Variants in LMTK2 observed in about 807,000 individuals in gnomAD.
The protein encoded by LMTK2 is serine/threonine-protein kinase LMTK2.
A neutral mutation model predicts 127.5 loss-of-function variants in LMTK2; 37 were observed. That is an observed-to-expected ratio of 0.29 (90% CI 0.22 to 0.38). The LOEUF is 0.38. Among genes scored for constraint, LMTK2 ranks in the 10% least tolerant of loss-of-function variants. The pLI is 1.00. For synonymous variants in LMTK2, 819 were observed against 810.1 expected (o/e 1.01, Z -0.19); for missense variants, 1,694 against 1,920.3 (o/e 0.88, Z 2.20).
In LMTK2 at chr7:98,194,148, C is replaced by T. The variant is rs148946045; in HGVS notation, c.3683C>T (p.Thr1228Met). 1.4e-4 allele frequency: 231 copies of T among 1,614,026 alleles called. No individual in the cohort carries two copies. In the African/African-American group the frequency reaches 1.5e-3, roughly 11 times the overall value. Residue 1228 changes from threonine to methionine, a missense_variant, in exon 11 of 14, where the codon ACG becomes ATG. Coordinates refer to ENST00000297293, the MANE Select transcript of LMTK2 (RefSeq NM_014916.4). This position sits in a 1 kb window ranked among gnomAD's most constrained non-coding sequence, Gnocchi z 5.4. Reference protein sequence around the residue: ...QDDRPCTLASTGTNTNELLAY... With the variant: ...QDDRPCTLASMGTNTNELLAY... Reference sequence around the variant, plus strand: ...GATCGCCCCTGCACCCTCGCTTCCACGGGGACCAACACGAACGAACTCCTT... The same window carrying T: ...GATCGCCCCTGCACCCTCGCTTCCATGGGGACCAACACGAACGAACTCCTT...
At chr7:98,178,329 GACGCGCAA>G (rs1797304377) in intron 7 of LMTK2, among the ~76,000 whole-genome samples, 1 of 152,194 alleles carries the variant, frequency 6.6e-6, no homozygotes, top group South Asian at 2.1e-4. Flanking sequence ...GAACCCCGAA[GACGCGCAA>G]ACTAGTCCTA....
At chr7:98,115,354 T>C (rs1796262700) in intron 1 of LMTK2, among the ~76,000 whole-genome samples, 1 of 150,582 alleles carries the variant, frequency 6.6e-6, no homozygotes. Context: ...AGGCAGAGGT[T>C]GCAGTGAGCC....
chr7:98,140,140 TTCTTTTCTTTTCTTTTCTTTTCTTTTC>T (rs1796662469), intron 2 of LMTK2, among the ~76,000 whole-genome samples: 2 of 19,240 alleles, frequency 1.0e-4, no homozygotes, highest in African/African-American at 5.9e-4. Flanking sequence ...CTTTCTTTCT[TTCTTTTCTTTTCTTTTCTTTTCTTTTC>T]TTTTCTTTCT....
At chr7:98,140,154 T>TCG (rs1562902771) in intron 2 of LMTK2, among the ~76,000 whole-genome samples, 1 of 57,992 alleles carries the variant, frequency 1.7e-5, no homozygotes. Context: ...TTTCTTTTCT[T>TCG]TTCTTTTCTT....
Position 98,191,698 on chromosome 7 carries a change from G to C in LMTK2, c.1233G>C (p.Arg411=), listed in dbSNP as rs1183412426. ...EDVHRLLTYL[R]LQSQRDSEVD... is the part of the protein sequence containing the mutation. ...TGCACAGGCTGCTGACTTACCTGCG[G>C]CTGCAGAGCCAGCGGGACTCAGAGG... The change falls in exon 11 of 14, where the codon CGG becomes CGC. Residue 411 remains arginine, a synonymous_variant. Coordinates refer to ENST00000297293, the MANE Select transcript of LMTK2 (RefSeq NM_014916.4). The C allele has an allele frequency of 6.2e-7, 1 of 1,614,116 alleles. No individual in the cohort carries two copies. Among genetic ancestry groups the C allele is most frequent in the East Asian group, 2.2e-5 (1 of 44,892 alleles).
chr7:98,110,646 G>A (rs1476124573), intron 1 of LMTK2, among the ~76,000 whole-genome samples: 2 of 152,174 alleles, frequency 1.3e-5, no homozygotes, highest in East Asian at 3.8e-4. Context: ...CATCATAAAC[G>A]GGGACTAGAA....
At chr7:98,191,249 CTT>C (rs1797519382) in intron 10 of LMTK2, among the ~76,000 whole-genome samples, 1 of 152,184 alleles carries the variant, frequency 6.6e-6, no homozygotes, top group South Asian at 2.1e-4. Context: ...TGCCTGGCCT[CTT>C]TTGATATTTT....
rs1019275962 is a variant in LMTK2 at position 98,137,514 on chromosome 7, A to T, written c.231+72A>T. On this transcript the variant is annotated intron_variant, in intron 2 of 13. Coordinates refer to ENST00000297293, the MANE Select transcript of LMTK2 (RefSeq NM_014916.4). Reference sequence around the variant, plus strand: ...TTTCAATAGAATAACTGGATAGCACAGTCCTTTGGGAACAGGATCAGCAGA... The same window carrying T: ...TTTCAATAGAATAACTGGATAGCACTGTCCTTTGGGAACAGGATCAGCAGA... 4 of 1,440,990 alleles carry T rather than the reference A, an allele frequency of 2.8e-6. No homozygotes were observed. The African/African-American group carries it at 4.3e-5, about 15-fold the overall frequency. 89.3% of individuals were successfully genotyped at this position (1,440,990 alleles called of 1,614,324 possible).
chr7:98,160,508 A>C (rs1350317811), intron 6 of LMTK2, among the ~76,000 whole-genome samples: 1 of 152,222 alleles, frequency 6.6e-6, no homozygotes, highest in Non-Finnish European at 1.5e-5. Context: ...TCTGGGCTGC[A>C]TTCATCTTCA....
intron 6 of LMTK2, among the ~76,000 whole-genome samples, chr7:98,162,674 A>G (rs1480414326): frequency 6.6e-6 from 1 of 152,200 alleles, no homozygotes; most frequent in Non-Finnish European, 1.5e-5. Context: ...GTCCCACCTA[A>G]TGGTACATTG....
intron 11 of LMTK2, among the ~76,000 whole-genome samples, chr7:98,199,444 C>G (rs1797676621): frequency 6.6e-6 from 1 of 152,084 alleles, no homozygotes; most frequent in Non-Finnish European, 1.5e-5. Flanking sequence ...CCTTTTTATC[C>G]TTTCGTAATG....
chr7:98,134,132 C>G (rs1490427566), intron 1 of LMTK2, among the ~76,000 whole-genome samples: 1 of 152,204 alleles, frequency 6.6e-6, no homozygotes, highest in Non-Finnish European at 1.5e-5. Context: ...CTGCCACTGT[C>G]CCACCTGGGT....
intron 8 of LMTK2, 35 bp downstream of exon 8, chr7:98,185,170 T>C (rs1797415110): frequency 7.0e-7 from 1 of 1,437,528 alleles, no homozygotes; most frequent in Non-Finnish European, 9.8e-7. Context: ...CAGTCTGATT[T>C]AATTTGAATT....
intron 3 of LMTK2, among the ~76,000 whole-genome samples, chr7:98,149,794 A>C (rs1276664703): frequency 6.6e-6 from 1 of 152,234 alleles, no homozygotes; most frequent in Non-Finnish European, 1.5e-5. Flanking sequence ...TTTGGAAATT[A>C]AAATTAAAAT....
intron 13 of LMTK2, among the ~76,000 whole-genome samples, chr7:98,204,715 C>T (rs576675767): frequency 2.0e-5 from 3 of 152,264 alleles, no homozygotes; most frequent in Non-Finnish European, 2.9e-5. Context: ...GGCTCGTTAC[C>T]GGCCACCCTG....
At chr7:98,170,758 G>T (rs1293497681) in intron 6 of LMTK2, among the ~76,000 whole-genome samples, 2 of 152,100 alleles carry the variant, frequency 1.3e-5, no homozygotes. Flanking sequence ...CAGATACACG[G>T]TAAACTCCCA....
intron 9 of LMTK2, among the ~76,000 whole-genome samples, chr7:98,187,253 G>A (rs1346787437): frequency 6.6e-6 from 1 of 152,140 alleles, no homozygotes; most frequent in African/African-American, 2.4e-5. Flanking sequence ...TTCATATTCT[G>A]TGCCTCCCAC....
chr7:98,167,356 C>T (rs1797116069), intron 6 of LMTK2, among the ~76,000 whole-genome samples: 1 of 152,208 alleles, frequency 6.6e-6, no homozygotes, highest in Non-Finnish European at 1.5e-5. Context: ...AATAAAACAG[C>T]AGGGAGGAAC....
intron 6 of LMTK2, among the ~76,000 whole-genome samples, chr7:98,159,929 T>G (rs1796988471): frequency 6.6e-6 from 1 of 152,244 alleles, no homozygotes; most frequent in Non-Finnish European, 1.5e-5. Context: ...GAGTTAGATT[T>G]ATTTTCTTAA....
Sources: allele counts gnomAD v4.1 joint callset (sites outside exome capture counted in the v4.1 genomes callset), GRCh38; gene constraint gnomAD v4.1.1; non-coding constraint Gnocchi (gnomAD v3.1); transcripts MANE v1.5; gene names NCBI Gene and HGNC (gene_info 2026-07-23, HGNC 2026-07-21).